Variants in RFX3 observed in about 807,000 individuals in gnomAD.
The protein encoded by RFX3 is regulatory factor X3.
Under a neutral mutation model 98.6 loss-of-function variants are expected in RFX3, and 14 were observed. The observed-to-expected ratio is 0.14, with a 90% CI of 0.09 to 0.22. RFX3 has a LOEUF of 0.22. Among genes scored for constraint, RFX3 ranks in the 10% least tolerant of loss-of-function variants. The pLI is 1.00. For missense variants in RFX3, 639 were observed against 926.9 expected (o/e 0.69, Z 4.03); for synonymous variants, 383 against 328.4 (o/e 1.17, Z -1.80).
chr9:3,278,049 A>C (rs1322546103), intron 7 of RFX3, among the ~76,000 whole-genome samples: 2 of 151,956 alleles, frequency 1.3e-5, no homozygotes, highest in African/African-American at 4.8e-5. Context: ...TGCAAGAATC[A>C]ATCTACAAAC....
chr9:3,501,305 G>C (rs1779833815), intron 1 of RFX3, among the ~76,000 whole-genome samples: 1 of 151,886 alleles, frequency 6.6e-6, no homozygotes, highest in Admixed American at 6.6e-5. Flanking sequence ...TTTTTATCAA[G>C]AATTGTAAAT....
chr9:3,518,090 G>T lies in RFX3; in HGVS notation c.-9+7657C>A, dbSNP rs116425311. On this transcript the variant is annotated intron_variant, in intron 1 of 16. Coordinates refer to ENST00000617270, the MANE Select transcript of RFX3 (RefSeq NM_001282116.2). ...TTCAGTCCAATAACATGCTACGCAG[G>T]TTTATAGACGAGAACAATATGCTAT... Among the ~76,000 whole-genome samples the T allele has an allele frequency of 4.3e-3, 648 of 152,278 alleles. 5 individuals carry two copies. The highest frequency in any genetic ancestry group is 0.015 in the African/African-American group (629 of 41,562).
At chr9:3,273,692 C>T (rs913565359) in intron 9 of RFX3, among the ~76,000 whole-genome samples, 3 of 151,840 alleles carry the variant, frequency 2.0e-5, no homozygotes, top group Non-Finnish European at 4.4e-5. Flanking sequence ...AGTGAAACCC[C>T]ATCTTTACTG....
chr9:3,403,708 T>TA (rs780688699), intron 1 of RFX3, among the ~76,000 whole-genome samples: 16 of 152,082 alleles, frequency 1.1e-4, no homozygotes, highest in Non-Finnish European at 2.1e-4. Context: ...AACAATCCCT[T>TA]AACACTGAAG....
chr9:3,264,132 C>T (rs966571415), intron 12 of RFX3, among the ~76,000 whole-genome samples: 4 of 151,984 alleles, frequency 2.6e-5, no homozygotes, highest in East Asian at 1.9e-4. Context: ...TTATCCCCAC[C>T]GTTGGATGCA....
In RFX3 at chr9:3,294,214, T is replaced by G. The variant is rs116006790; in HGVS notation, c.550-956A>C. Among the ~76,000 whole-genome samples the G allele has an allele frequency of 5.9e-3, 892 of 152,250 alleles. 6 individuals are homozygous for G. The highest frequency in any genetic ancestry group is 0.02 in the African/African-American group (852 of 41,568). On this transcript the variant is annotated intron_variant, in intron 5 of 16. Transcript: ENST00000617270. Reference sequence around the variant, plus strand: ...AACTTTCTCAAAGTCACATATTGTCTCCATGCCTGAGTCTGGTTTCCAATT... The same window carrying G: ...AACTTTCTCAAAGTCACATATTGTCGCCATGCCTGAGTCTGGTTTCCAATT...
intron 7 of RFX3, among the ~76,000 whole-genome samples, chr9:3,286,756 C>T (rs1826660082): frequency 6.6e-6 from 1 of 151,926 alleles, no homozygotes; most frequent in Non-Finnish European, 1.5e-5. Flanking sequence ...TCTCATCTCC[C>T]ACTAAACTAC....
intron 2 of RFX3, among the ~76,000 whole-genome samples, chr9:3,384,727 C>G (rs1435130421): frequency 6.6e-6 from 1 of 152,120 alleles, no homozygotes; most frequent in Non-Finnish European, 1.5e-5. Context: ...AAATATTATT[C>G]ATAAGCTCAA....
intron 15 of RFX3, among the ~76,000 whole-genome samples, chr9:3,234,596 G>T (rs1818887842): frequency 6.6e-6 from 1 of 152,154 alleles, no homozygotes; most frequent in African/African-American, 2.4e-5. Flanking sequence ...CTGTGATCGT[G>T]CCACTGTACT....
rs573675503 is a variant in RFX3, at chr9:3,383,080, T to C, written c.117+12392A>G. 4.9e-4 allele frequency among the ~76,000 whole-genome samples: 75 copies of C among 152,230 alleles called. 1 individual carries two copies. The South Asian group carries it at 0.013, about 26-fold the overall frequency. On this transcript the variant is annotated intron_variant, in intron 2 of 16. Coordinates refer to ENST00000617270, the MANE Select transcript of RFX3 (RefSeq NM_001282116.2). Reference sequence around the variant, plus strand: ...ATACAACTTCAGATTCCTAGAAAAATTGCAAGAATTATACAAAATATTCCT... The same window carrying C: ...ATACAACTTCAGATTCCTAGAAAAACTGCAAGAATTATACAAAATATTCCT...
intron 1 of RFX3, among the ~76,000 whole-genome samples, chr9:3,419,861 A>G (rs1235965454): frequency 6.6e-6 from 1 of 152,186 alleles, no homozygotes; most frequent in Non-Finnish European, 1.5e-5. Flanking sequence ...TTCACACTCA[A>G]ATATTTTCAA....
intron 3 of RFX3, among the ~76,000 whole-genome samples, chr9:3,341,289 G>T (rs1279660120): frequency 1.3e-5 from 2 of 151,726 alleles, no homozygotes; most frequent in African/African-American, 2.4e-5. Flanking sequence ...AGCATTAGGA[G>T]ATATACCTAA....
chr9:3,367,722 G>A (rs915874610), intron 2 of RFX3, among the ~76,000 whole-genome samples: 8 of 152,130 alleles, frequency 5.3e-5, no homozygotes, highest in Non-Finnish European at 1.2e-4. Context: ...CCCTAATTAA[G>A]AGTAACACAC....
At chr9:3,253,414 A>G (rs1341351935) in intron 14 of RFX3, among the ~76,000 whole-genome samples, 2 of 152,244 alleles carry the variant, frequency 1.3e-5, no homozygotes, top group Non-Finnish European at 2.9e-5. Flanking sequence ...AAAGCTATAC[A>G]TTCCACTCTT....
chr9:3,351,992 T>C (rs545232494), intron 2 of RFX3, among the ~76,000 whole-genome samples: 1 of 152,038 alleles, frequency 6.6e-6, no homozygotes, highest in East Asian at 1.9e-4. Context: ...ATACGTAATT[T>C]ATAAGAAAAA....
In RFX3 at chr9:3,302,564, G is replaced by C. The variant is rs184850155; in HGVS notation, c.475-944C>G. On this transcript the variant is annotated intron_variant, in intron 4 of 16. Coordinates refer to ENST00000617270, the MANE Select transcript of RFX3 (RefSeq NM_001282116.2). ...AAATCACACCATGCAATTTAAGAGAGAAAATTGATTTCATTATTCTTAACA... is the reference window on the plus strand; with the variant it reads ...AAATCACACCATGCAATTTAAGAGACAAAATTGATTTCATTATTCTTAACA... 2.3e-3 allele frequency among the ~76,000 whole-genome samples: 353 copies of C among 151,810 alleles called. 5 individuals carry two copies. Among genetic ancestry groups the C allele is most frequent in the Middle Eastern group, 6.8e-3 (2 of 294 alleles).
chr9:3,247,165 C>T (rs1437651683), intron 15 of RFX3: 1 of 985,232 alleles, frequency 1.0e-6, no homozygotes, highest in African/African-American at 1.7e-5. Flanking sequence ...TATAAACTAC[C>T]CCCGCCTCCT....
At chr9:3,338,642 C>A (rs922434051) in intron 3 of RFX3, among the ~76,000 whole-genome samples, 1 of 152,114 alleles carries the variant, frequency 6.6e-6, no homozygotes, top group African/African-American at 2.4e-5. Context: ...TTCTGTAGAA[C>A]TGGAGTGGGC....
At chr9:3,492,394 C>T (rs561509640) in intron 1 of RFX3, among the ~76,000 whole-genome samples, 3 of 152,378 alleles carry the variant, frequency 2.0e-5, no homozygotes, top group Admixed American at 1.3e-4. Context: ...GGGCCACTCA[C>T]TTTAGAGAGC....
Sources: gnomAD v4.1 joint callset for allele counts (sites outside exome capture counted in the v4.1 genomes callset) on GRCh38, gnomAD v4.1.1 for gene constraint, MANE v1.5 for transcripts, NCBI Gene and HGNC (gene_info 2026-07-23, HGNC 2026-07-21) for gene names.